Variants in FAM193A observed in about 807,000 individuals in gnomAD.
The protein encoded by FAM193A is family with sequence similarity 193 member A.
FAM193A carries 22 observed loss-of-function variants against 126.5 expected under a neutral mutation model. The observed-to-expected ratio is 0.17, with a 90% confidence interval of 0.12 to 0.25. The LOEUF is 0.25. Ranked by LOEUF, FAM193A falls within the 10% of genes least tolerant of loss-of-function variation. The probability of loss-of-function intolerance (pLI) is 1.00; values close to 1 mark genes in which losing one functional copy is unlikely to be tolerated. For synonymous variants in FAM193A, 761 were observed against 646.8 expected (o/e 1.18, Z -2.68); for missense variants, 1,675 against 1,672.8 (o/e 1.00, Z -0.02).
At chr4:2,725,669 C>T (rs1720663474) in intron 20 of FAM193A, among the ~76,000 whole-genome samples, 1 of 151,278 alleles carries the variant, frequency 6.6e-6, no homozygotes, top group African/African-American at 2.4e-5. Context: ...TATAGCCAAT[C>T]ACTATCAATA....
chr4:2,605,395 C>T (rs958284742), intron 2 of FAM193A, among the ~76,000 whole-genome samples: 30 of 152,188 alleles, frequency 2.0e-4, no homozygotes, highest in African/African-American at 7.0e-4. Flanking sequence ...GAAATGTAAT[C>T]GTACTGTGTG....
At position 2,631,037 on chromosome 4, in the gene FAM193A, T is replaced by G; in HGVS notation, c.906T>G (p.Ala302=). 2 of 1,613,540 alleles carry G rather than the reference T, an allele frequency of 1.2e-6. No homozygotes were observed. Among genetic ancestry groups the G allele is most frequent in the East Asian group, 2.2e-5 (1 of 44,876 alleles). ...MKVRLLRQLS[A]AAKVKAPSGL... Reference sequence around the variant, plus strand: ...TCCGCCTGCTCCGGCAGCTGTCGGCTGCGGCCAAGGTGAAGGCACCATCTG... The same window carrying G: ...TCCGCCTGCTCCGGCAGCTGTCGGCGGCGGCCAAGGTGAAGGCACCATCTG... Residue 302 remains alanine (A), a synonymous_variant, in exon 5 of 21, where the codon GCT becomes GCG. Coordinates refer to ENST00000637812, the MANE Select transcript of FAM193A (RefSeq NM_001366318.2).
intron 2 of FAM193A, among the ~76,000 whole-genome samples, chr4:2,599,297 T>C (rs1741055886): frequency 6.6e-6 from 1 of 152,080 alleles, no homozygotes; most frequent in Non-Finnish European, 1.5e-5. Context: ...GTGTGTCCCC[T>C]TCTCCCTGGA....
rs775814220 is a variant in FAM193A at position 2,732,033 on chromosome 4, G to A, written c.*165G>A. The stretch of plus-strand genomic sequence containing the variant: ...GAGAAGTTGATGCTCGGCCCACGCC[G>A]TTAGCTCGTGTGCGTGTAGTCTGTG... On this transcript the variant is annotated 3_prime_UTR_variant, in exon 21 of 21. Transcript: ENST00000637812. 2.1e-4 allele frequency: 138 copies of A among 649,686 alleles called. No homozygotes were observed. Among genetic ancestry groups the A allele is most frequent in the Admixed American group, 3.4e-4 (14 of 41,774 alleles). 40.2% of individuals were successfully genotyped at this position (649,686 alleles called of 1,614,324 possible).
chr4:2,677,242 A>G (rs572972737), intron 13 of FAM193A, among the ~76,000 whole-genome samples: 6 of 152,306 alleles, frequency 3.9e-5, no homozygotes, highest in African/African-American at 1.4e-4. Context: ...ATCCTTGTCA[A>G]AAATCATTTG....
At position 2,700,139 on chromosome 4, in the gene FAM193A, T is replaced by G. The variant is rs1717541940; in HGVS notation, c.3967T>G (p.Phe1323Val). The G allele has an allele frequency of 1.9e-6, 3 of 1,613,472 alleles. No individual in the cohort carries two copies. The highest frequency in any genetic ancestry group is 2.5e-6 in the Non-Finnish European group (3 of 1,179,926). ...VNGKQHEPLS[F>V]FFDIMQHHKE... ...TGGGAAGCAGCATGAGCCACTCTCT[T>G]TTTTCTTCGACATCATGCAGCACCA... The change falls in exon 19 of 21, where the codon TTT becomes GTT. Residue 1323 changes from phenylalanine (F) to valine (V), a missense_variant. Coordinates refer to ENST00000637812, the MANE Select transcript of FAM193A (RefSeq NM_001366318.2).
chr4:2,553,697 G>A (rs1162328959), intron 1 of FAM193A, among the ~76,000 whole-genome samples: 1 of 152,074 alleles, frequency 6.6e-6, no homozygotes, highest in African/African-American at 2.4e-5. Context: ...TTAGAAGTTG[G>A]TATGGTTTGG....
At chr4:2,647,683 C>G (rs949626109) in intron 7 of FAM193A, among the ~76,000 whole-genome samples, 1 of 152,200 alleles carries the variant, frequency 6.6e-6, no homozygotes, top group Non-Finnish European at 1.5e-5. Context: ...CCCCCTCCCC[C>G]CGCTTCCCAC....
At chr4:2,553,376 C>CTTTTTT (rs1414434801) in intron 1 of FAM193A, among the ~76,000 whole-genome samples, 5 of 124,122 alleles carry the variant, frequency 4.0e-5, no homozygotes, top group Non-Finnish European at 3.3e-5. Context: ...AATTTCCCTT[C>CTTTTTT]TTTTTGTTTT....
At chr4:2,641,586 C>T (rs1215966317) in intron 6 of FAM193A, among the ~76,000 whole-genome samples, 3 of 151,542 alleles carry the variant, frequency 2.0e-5, no homozygotes, top group Non-Finnish European at 4.4e-5. Context: ...ACCCAGGAGG[C>T]GGAGTTTGCA....
intron 1 of FAM193A, among the ~76,000 whole-genome samples, chr4:2,576,654 C>T (rs903238220): frequency 6.6e-6 from 1 of 152,174 alleles, no homozygotes; most frequent in Non-Finnish European, 1.5e-5. Context: ...CAGGTGTGCA[C>T]CACCATGCCT....
At chr4:2,653,091 A>G (rs184536016) in intron 7 of FAM193A, among the ~76,000 whole-genome samples, 138 of 152,354 alleles carry the variant, frequency 9.1e-4, no homozygotes, top group African/African-American at 3.2e-3. Context: ...TGGAAATGGC[A>G]GATAAAGTTC....
Position 2,558,383 on chromosome 4 carries a change from A to G in FAM193A, c.255+21213A>G, listed in dbSNP as rs146629029. Among the ~76,000 whole-genome samples, 69 of 152,256 alleles carry G rather than the reference A, an allele frequency of 4.5e-4. 1 individual carries two copies. The East Asian group carries it at 0.012, about 26-fold the overall frequency. ...GTGAAAGTAGCCCACCAAGGCAAAC[A>G]TTGTCTACGAGTTACTAGTTAGAGT... On this transcript the variant is annotated intron_variant, in intron 1 of 20. Coordinates refer to ENST00000637812, the MANE Select transcript of FAM193A (RefSeq NM_001366318.2).
rs150589938 is a variant in FAM193A, at chr4:2,590,506, CA to C, written c.256-5568del. On this transcript the variant is annotated intron_variant, in intron 1 of 20. Coordinates refer to ENST00000637812, the MANE Select transcript of FAM193A (RefSeq NM_001366318.2). ...AAAAACAAAAAAAAACAAAAAAAAA[CA>C]AAAAAAAAACAAAACAAAATTAAAA... 1.4e-3 allele frequency among the ~76,000 whole-genome samples: 46 copies of C among 33,220 alleles called. 7 individuals carry two copies. The highest frequency in any genetic ancestry group is 5.9e-3 in the African/African-American group (24 of 4,082). The allele number at this position is 33,220 out of a possible 152,430, so 21.8% of individuals were successfully genotyped here.
At chr4:2,654,978 A>T (rs905057940) in intron 7 of FAM193A, 1 of 541,950 alleles carries the variant, frequency 1.8e-6, no homozygotes, top group Non-Finnish European at 3.4e-6. Flanking sequence ...GAGTCTAGGA[A>T]ATCACGGTAT....
chr4:2,719,467 C>T (rs1367496629), intron 20 of FAM193A, among the ~76,000 whole-genome samples: 1 of 152,130 alleles, frequency 6.6e-6, no homozygotes. Context: ...CTTTATTGGC[C>T]AAGCGTGGTG....
intron 2 of FAM193A, among the ~76,000 whole-genome samples, chr4:2,623,391 C>T (rs937537527): frequency 2.0e-5 from 3 of 152,092 alleles, no homozygotes; most frequent in Non-Finnish European, 2.9e-5. Context: ...AGAAGGGTCT[C>T]GATCTCTTGA....
intron 1 of FAM193A, among the ~76,000 whole-genome samples, chr4:2,538,339 C>A (rs1203575246): frequency 2.0e-5 from 3 of 151,914 alleles, no homozygotes; most frequent in African/African-American, 7.3e-5. Flanking sequence ...GTAGCTGGGA[C>A]TACAGGCATG....
In FAM193A at chr4:2,595,955, C is replaced by T; in HGVS notation, c.256-129C>T. 5.1e-6 allele frequency: 3 copies of T among 586,076 alleles called. No individual in the cohort carries two copies. The South Asian group carries it at 6.6e-5, about 13-fold the overall frequency. 36.3% of individuals were successfully genotyped at this position (586,076 alleles called of 1,614,324 possible). ...ACATTAGGTTTAGTTTTATTCAATA[C>T]ATTTCCTATTTTATGTTTCTGTATA... On this transcript the variant is annotated intron_variant, in intron 1 of 20. Coordinates refer to ENST00000637812, the MANE Select transcript of FAM193A (RefSeq NM_001366318.2).
Sources: gnomAD v4.1 joint callset for allele counts (sites outside exome capture counted in the v4.1 genomes callset) on GRCh38, gnomAD v4.1.1 for gene constraint, MANE v1.5 for transcripts, NCBI Gene and HGNC (gene_info 2026-07-23, HGNC 2026-07-21) for gene names.